Variants in CTNNA3 observed in about 807,000 individuals in gnomAD.
The protein encoded by CTNNA3 is catenin alpha 3.
Under a neutral mutation model 95.7 loss-of-function variants are expected in CTNNA3, and 76 were observed. That is an observed-to-expected ratio of 0.79 (90% CI 0.66 to 0.96). The LOEUF (loss-of-function observed/expected upper bound fraction) is 0.96. Among genes scored for constraint, CTNNA3 ranks in the 40% least tolerant of loss-of-function variants. The pLI, the probability that CTNNA3 is intolerant of heterozygous loss-of-function variation, is 0.00. For synonymous variants in CTNNA3, 431 were observed against 374.4 expected (o/e 1.15, Z -1.74); for missense variants, 1,191 against 1,089.8 (o/e 1.09, Z -1.31).
chr10:67,611,370 G>A (rs757706531), intron 2 of CTNNA3, among the ~76,000 whole-genome samples: 4 of 151,360 alleles, frequency 2.6e-5, no homozygotes, highest in Admixed American at 6.6e-5. Context: ...CTGGAGTGCC[G>A]TGGCACGATC....
At chr10:66,313,554 T>G (rs1180015150) in intron 12 of CTNNA3, among the ~76,000 whole-genome samples, 1 of 152,168 alleles carries the variant, frequency 6.6e-6, no homozygotes, top group East Asian at 1.9e-4. Context: ...CTCCTTCTCC[T>G]CTTAACTCTC....
chr10:66,507,579 T>C (rs932387905), intron 11 of CTNNA3, among the ~76,000 whole-genome samples: 6 of 152,088 alleles, frequency 3.9e-5, no homozygotes, highest in Non-Finnish European at 8.8e-5. Context: ...TGCTCCTACA[T>C]GTGAGTGAGA....
intron 15 of CTNNA3, among the ~76,000 whole-genome samples, chr10:66,005,925 T>G (rs80249678): frequency 1.3e-5 from 2 of 151,902 alleles, no homozygotes; most frequent in East Asian, 3.9e-4. Context: ...GTAATCCCCT[T>G]TATTGAAACT....
chr10:67,186,887 A>T (rs759321496), intron 6 of CTNNA3, among the ~76,000 whole-genome samples: 32 of 152,156 alleles, frequency 2.1e-4, no homozygotes, highest in Non-Finnish European at 3.8e-4. Flanking sequence ...ATATTCTTCT[A>T]TTATATTATT....
intron 5 of CTNNA3, among the ~76,000 whole-genome samples, chr10:67,250,786 C>T (rs1866078312): frequency 1.3e-5 from 2 of 152,188 alleles, no homozygotes; most frequent in Admixed American, 1.3e-4. Context: ...TCACTTCACG[C>T]CCACTAAGAT....
At chr10:67,548,651 ACT>A (rs2133221720) in intron 3 of CTNNA3, among the ~76,000 whole-genome samples, 1 of 152,190 alleles carries the variant, frequency 6.6e-6, no homozygotes, top group East Asian at 1.9e-4. Flanking sequence ...AAACTATAAA[ACT>A]CTTAGAAAAA....
intron 9 of CTNNA3, among the ~76,000 whole-genome samples, chr10:66,734,634 C>T (rs1482446568): frequency 3.3e-5 from 5 of 151,986 alleles, no homozygotes; most frequent in Admixed American, 6.6e-5. Context: ...GAGGCCAAGG[C>T]GGGTGGATCA....
intron 7 of CTNNA3, among the ~76,000 whole-genome samples, chr10:67,158,529 A>T (rs548343344): frequency 9.1e-4 from 139 of 152,328 alleles, no homozygotes; most frequent in Middle Eastern, 6.8e-3. Context: ...AACCTTACTA[A>T]TTACTGTCTA....
At chr10:66,761,344 T>C (rs1839590585) in intron 9 of CTNNA3, among the ~76,000 whole-genome samples, 2 of 152,106 alleles carry the variant, frequency 1.3e-5, no homozygotes, top group Admixed American at 6.6e-5. Flanking sequence ...TAAAATAAGG[T>C]ACATAAAGAT....
intron 6 of CTNNA3, among the ~76,000 whole-genome samples, chr10:67,184,735 C>T (rs1564952992): frequency 6.6e-6 from 1 of 152,164 alleles, no homozygotes; most frequent in East Asian, 1.9e-4. Context: ...AGGCATTGTC[C>T]CTATAAACCT....
At chr10:66,903,199 C>A in intron 7 of CTNNA3, among the ~76,000 whole-genome samples, 1 of 152,150 alleles carries the variant, frequency 6.6e-6, no homozygotes, top group East Asian at 1.9e-4. Flanking sequence ...CAGCTTCATC[C>A]CTGAGATTCA....
chr10:67,531,721 A>G (rs1216066390), intron 4 of CTNNA3, among the ~76,000 whole-genome samples: 1 of 152,162 alleles, frequency 6.6e-6, no homozygotes, highest in East Asian at 1.9e-4. Flanking sequence ...ATGTGAGGAC[A>G]TGAGATTTGG....
intron 10 of CTNNA3, among the ~76,000 whole-genome samples, chr10:66,614,483 A>C (rs1844441441): frequency 6.6e-6 from 1 of 151,982 alleles, no homozygotes; most frequent in Non-Finnish European, 1.5e-5. Context: ...TCTCCAGTGC[A>C]TGCCCTAGCC....
At position 67,212,037 on chromosome 10, in the gene CTNNA3, A is replaced by C. The variant is rs10509282; in HGVS notation, c.843+7570T>G. Among the ~76,000 whole-genome samples, 1,877 of 152,216 alleles carry C rather than the reference A, an allele frequency of 0.012. 119 individuals are homozygous for C. The East Asian group carries it at 0.18, about 15-fold the overall frequency. On this transcript the variant is annotated intron_variant, in intron 6 of 17. Coordinates refer to ENST00000433211, the MANE Select transcript of CTNNA3 (RefSeq NM_013266.4). The stretch of plus-strand genomic sequence containing the variant: ...AGCACAAGGGTTCACACAGACATTA[A>C]TTACACAGAAAATAGATTTAATAAA...
chr10:66,275,800 A>G (rs2091383305), intron 13 of CTNNA3, among the ~76,000 whole-genome samples: 1 of 152,200 alleles, frequency 6.6e-6, no homozygotes, highest in African/African-American at 2.4e-5. Context: ...ACACATAAAG[A>G]AAAGATGTCT....
chr10:67,739,649 A>T (rs969598674), intron 1 of CTNNA3, among the ~76,000 whole-genome samples: 2 of 151,794 alleles, frequency 1.3e-5, no homozygotes, highest in Non-Finnish European at 2.9e-5. Flanking sequence ...TGCTCAAGGA[A>T]ATAAAAGAGG....
intron 13 of CTNNA3, among the ~76,000 whole-genome samples, chr10:66,238,699 A>T (rs1443794453): frequency 1.4e-5 from 2 of 138,734 alleles, no homozygotes; most frequent in Non-Finnish European, 3.2e-5. Context: ...TATATATATA[A>T]TTTTTTTCAA....
intron 13 of CTNNA3, among the ~76,000 whole-genome samples, chr10:66,266,851 A>T (rs1231011767): frequency 2.6e-5 from 4 of 152,036 alleles, no homozygotes; most frequent in Non-Finnish European, 4.4e-5. Context: ...GTCACTTTTA[A>T]AGAGATTCCA....
At chr10:66,868,902 G>A (rs1385040894) in intron 7 of CTNNA3, among the ~76,000 whole-genome samples, 2 of 152,176 alleles carry the variant, frequency 1.3e-5, no homozygotes, top group African/African-American at 4.8e-5. Flanking sequence ...GCTCATAGGA[G>A]TTTTAAAATG....
Sources: allele counts gnomAD v4.1 joint callset (sites outside exome capture counted in the v4.1 genomes callset), GRCh38; gene constraint gnomAD v4.1.1; transcripts MANE v1.5; gene names NCBI Gene and HGNC (gene_info 2026-07-23, HGNC 2026-07-21).